ARID2: variants seen among roughly 807,000 people sequenced by gnomAD.
The protein encoded by ARID2 is AT-rich interaction domain 2.
ARID2 carries 32 observed loss-of-function variants against 184.6 expected under a neutral mutation model. The observed-to-expected ratio is 0.17, with a 90% CI of 0.13 to 0.23. The LOEUF is 0.23. Among genes scored for constraint, ARID2 ranks in the 10% least tolerant of loss-of-function variants. The probability of loss-of-function intolerance (pLI) is 1.00; values close to 1 mark genes in which losing one functional copy is unlikely to be tolerated. For synonymous variants in ARID2, 836 were observed against 772.6 expected (o/e 1.08, Z -1.36); for missense variants, 1,696 against 2,197.6 (o/e 0.77, Z 4.56).
intron 6 of ARID2, among the ~76,000 whole-genome samples, chr12:45,829,904 A>T (rs1943079856): frequency 6.7e-6 from 1 of 149,308 alleles, no homozygotes; most frequent in Admixed American, 6.7e-5. Flanking sequence ...AGCTGTGCCT[A>T]ATATGCTGCT....
At chr12:45,771,343 T>A (rs901210752) in intron 3 of ARID2, among the ~76,000 whole-genome samples, 4 of 136,526 alleles carry the variant, frequency 2.9e-5, no homozygotes, top group African/African-American at 1.2e-4. Context: ...GGCAACAGAT[T>A]GAGAGTCCAT....
At chr12:45,737,036 A>G (rs1941141085) in intron 3 of ARID2, among the ~76,000 whole-genome samples, 1 of 152,230 alleles carries the variant, frequency 6.6e-6, no homozygotes, top group Non-Finnish European at 1.5e-5. Context: ...AAAAGAAATA[A>G]CAAACTTTTT....
chr12:45,851,300 G>C lies in ARID2; in HGVS notation c.3177G>C (p.Leu1059=). The change falls in exon 15 of 21, where the codon CTG becomes CTC. Residue 1059 remains leucine, a synonymous_variant. Coordinates refer to ENST00000334344, the MANE Select transcript of ARID2 (RefSeq NM_152641.4). ...AGCCTGCCTCTGGTGAGTCGAGTCTGATTAAACAGCTTCTGCTTCCGAAAC... is the reference window on the plus strand; with the variant it reads ...AGCCTGCCTCTGGTGAGTCGAGTCTCATTAAACAGCTTCTGCTTCCGAAAC... ...VGQPASGESS[L]IKQLLLPKRG... is the part of the protein sequence containing the mutation. 6.2e-7 allele frequency: 1 copy of C among 1,614,168 alleles called. No homozygotes were observed. The highest frequency in any genetic ancestry group is 8.5e-7 in the Non-Finnish European group (1 of 1,180,016).
intron 16 of ARID2, among the ~76,000 whole-genome samples, chr12:45,884,151 CT>C (rs1439021474): frequency 1.3e-5 from 2 of 152,112 alleles, no homozygotes; most frequent in Admixed American, 6.5e-5. Context: ...AATCCCAGCA[CT>C]TTGGGATACT....
At chr12:45,788,068 A>G (rs1942228470) in intron 3 of ARID2, among the ~76,000 whole-genome samples, 1 of 152,196 alleles carries the variant, frequency 6.6e-6, no homozygotes, top group South Asian at 2.1e-4. Flanking sequence ...AAACCTAGCT[A>G]ACAAATGCAT....
intron 10 of ARID2, among the ~76,000 whole-genome samples, chr12:45,838,373 T>C (rs1413125239): frequency 6.6e-6 from 1 of 152,230 alleles, no homozygotes; most frequent in Admixed American, 6.5e-5. Context: ...AAGATTCAGC[T>C]TGAAAACTGT....
At chr12:45,746,830 G>A (rs1941365712) in intron 3 of ARID2, among the ~76,000 whole-genome samples, 2 of 152,078 alleles carry the variant, frequency 1.3e-5, no homozygotes, top group Non-Finnish European at 2.9e-5. Context: ...GCAGTGGCGC[G>A]ATCGAGGCTC....
rs545729506 is a variant in ARID2 at position 45,746,681 on chromosome 12, A to G, written c.284+15367A>G. On this transcript the variant is annotated intron_variant, in intron 3 of 20. Transcript: ENST00000334344. ...CTCTTCACACCTCCCTATGACATAG[A>G]TACTGTTAATATCCTGGTATTATAG... is the stretch of plus-strand genomic sequence containing the variant. Among the ~76,000 whole-genome samples the G allele has an allele frequency of 3.0e-4, 46 of 152,278 alleles. No homozygotes were observed. The South Asian group carries it at 8.9e-3, about 29-fold the overall frequency.
At position 45,850,702 on chromosome 12, in the gene ARID2, A is replaced by G. The variant is rs147193304; in HGVS notation, c.2579A>G (p.Asn860Ser). The stretch of plus-strand genomic sequence containing the variant: ...CAGTATGTAACAACTTCTGCATCCA[A>G]TATTGTCTCAGCAACTTCAGTACAG... The part of the protein sequence containing the change: ...PPQYVTTSAS[N>S]IVSATSVQNF... The change falls in exon 15 of 21, where the codon AAT becomes AGT. Residue 860 changes from asparagine (N) to serine (S), a missense_variant. Around this residue, in one of 11 missense-constraint regions of ARID2, gnomAD observed 713 missense variants for 824.4 expected, o/e 0.86. Coordinates refer to ENST00000334344, the MANE Select transcript of ARID2 (RefSeq NM_152641.4). The G allele has an allele frequency of 2.0e-5, 32 of 1,613,974 alleles. No individual in the cohort carries two copies. The highest frequency in any genetic ancestry group is 3.3e-5 in the Admixed American group (2 of 59,988).
At chr12:45,893,354 A>G (rs1944327779) in intron 18 of ARID2, 66 bp from the exon 19 acceptor site, 3 of 1,526,634 alleles carry the variant, frequency 2.0e-6, no homozygotes, top group Non-Finnish European at 1.8e-6. Flanking sequence ...CAGGGTGGTC[A>G]TAGTTGTCAG....
At chr12:45,807,691 A>G (rs781702154) in intron 3 of ARID2, among the ~76,000 whole-genome samples, 3 of 152,316 alleles carry the variant, frequency 2.0e-5, no homozygotes, top group East Asian at 1.9e-4. Flanking sequence ...TGTGCCCTAT[A>G]TAACATATAA....
chr12:45,833,193 T>C lies in ARID2; in HGVS notation c.706-3396T>C, dbSNP rs538524815. On this transcript the variant is annotated intron_variant, in intron 6 of 20. Transcript: ENST00000334344. The stretch of plus-strand genomic sequence containing the variant: ...CAAGTTATGATAAACTTAGTTTTTT[T>C]GACTTTACTATGGTTTTATTGGGGG... Among the ~76,000 whole-genome samples the C allele has an allele frequency of 4.6e-5, 7 of 152,344 alleles. No individual in the cohort carries two copies. The South Asian group carries it at 1.5e-3, about 32-fold the overall frequency.
intron 3 of ARID2, among the ~76,000 whole-genome samples, chr12:45,782,880 G>A (rs1283459216): frequency 2.6e-5 from 4 of 151,484 alleles, no homozygotes; most frequent in East Asian, 3.9e-4. Flanking sequence ...AGGCTGAGGC[G>A]GGTAGATCAC....
chr12:45,905,720 T>A lies in ARID2; in HGVS notation c.*642T>A. 1 of 232,948 alleles carries A rather than the reference T, an allele frequency of 4.3e-6. No individual in the cohort carries two copies. Among genetic ancestry groups the A allele is most frequent in the Non-Finnish European group, 8.5e-6 (1 of 117,636 alleles). 14.4% of individuals were successfully genotyped at this position (232,948 alleles called of 1,614,324 possible). A position where few individuals can be genotyped will look rare whatever the true frequency, so the allele number is the denominator to read the frequency against. ...ATATTTGTGAATAGAATGAATACCTTTCATGCCACTGCAGCCACTGGAAAT... is the reference window on the plus strand; with the variant it reads ...ATATTTGTGAATAGAATGAATACCTATCATGCCACTGCAGCCACTGGAAAT... On this transcript the variant is annotated 3_prime_UTR_variant, in exon 21 of 21. Coordinates refer to ENST00000334344, the MANE Select transcript of ARID2 (RefSeq NM_152641.4).
rs1232318305 is a variant in ARID2, at chr12:45,790,271, A to G, written c.285-21147A>G. Among the ~76,000 whole-genome samples, 9 of 152,154 alleles carry G rather than the reference A, an allele frequency of 5.9e-5. No individual in the cohort carries two copies. In the East Asian group the frequency reaches 1.7e-3, roughly 29 times the overall value. On this transcript the variant is annotated intron_variant, in intron 3 of 20. Transcript: ENST00000334344. ...AATACCTTATGTTTTAGTTTTTTAT[A>G]GAATCAAAGAATTGTTTCTGTCTCT... is the stretch of plus-strand genomic sequence containing the variant.
In ARID2 at chr12:45,899,741, TTA is replaced by T. The variant is rs1202473985; in HGVS notation, c.5364-5178_5364-5177del. Reference sequence around the variant, plus strand: ...TATATATGGTTATATATATATGGTTTTATATATATATATATAACCAAATAGTT... The same window carrying T: ...TATATATGGTTATATATATATGGTTTTATATATATATATAACCAAATAGTT... On this transcript the variant is annotated intron_variant, in intron 20 of 20. Transcript: ENST00000334344. 3.2e-3 allele frequency among the ~76,000 whole-genome samples: 339 copies of T among 104,926 alleles called. 1 individual carries two copies. Among genetic ancestry groups the T allele is most frequent in the African/African-American group, 0.01 (291 of 28,866 alleles). The allele number at this position is 104,926 out of a possible 152,430, so 68.8% of individuals were successfully genotyped here.
At chr12:45,787,375 G>A (rs1942214877) in intron 3 of ARID2, among the ~76,000 whole-genome samples, 1 of 151,634 alleles carries the variant, frequency 6.6e-6, no homozygotes, top group Non-Finnish European at 1.5e-5. Flanking sequence ...GCACCAATAT[G>A]TCTGGGATAA....
chr12:45,843,292 A>G (rs1943385082), intron 11 of ARID2, among the ~76,000 whole-genome samples: 1 of 150,178 alleles, frequency 6.7e-6, no homozygotes, highest in African/African-American at 2.5e-5. Flanking sequence ...TAGGTACATC[A>G]GAATCATGTG....
At chr12:45,849,541 T>A (rs1231752756) in intron 13 of ARID2, 39 bp from the exon 14 acceptor site, 1 of 1,514,544 alleles carries the variant, frequency 6.6e-7, no homozygotes, top group African/African-American at 1.4e-5. Flanking sequence ...GTCAATGTGA[T>A]AGTTATCAAA....
Sources: allele counts gnomAD v4.1 joint callset (sites outside exome capture counted in the v4.1 genomes callset), GRCh38; gene constraint gnomAD v4.1.1; regional missense constraint gnomAD v4.1.1; transcripts MANE v1.5; gene names NCBI Gene and HGNC (gene_info 2026-07-23, HGNC 2026-07-21).